The following TUB variants were observed in gnomAD, a reference collection of about 807,000 sequenced individuals.
TUB encodes tubby protein homolog.
TUB carries 33 observed loss-of-function variants against 59.7 expected under a neutral mutation model. The ratio of observed to expected loss-of-function variants is 0.55; its 90% CI spans 0.42 to 0.74. The LOEUF (loss-of-function observed/expected upper bound fraction) is 0.74. TUB is among the 30% of genes least tolerant of loss of function. The pLI, the probability that TUB is intolerant of heterozygous loss-of-function variation, is 0.00. For synonymous variants in TUB, 293 were observed against 256.4 expected (o/e 1.14, Z -1.36); for missense variants, 659 against 672.0 (o/e 0.98, Z 0.21).
chr11:8,025,515 C>G (rs1049515199), intron 1 of TUB, among the ~76,000 whole-genome samples: 1 of 152,162 alleles, frequency 6.6e-6, no homozygotes, highest in African/African-American at 2.4e-5. Flanking sequence ...CCCACTCCAC[C>G]CATCCTCAGG....
intron 1 of TUB, among the ~76,000 whole-genome samples, chr11:8,031,642 C>T (rs1407516429): frequency 6.6e-6 from 1 of 152,210 alleles, no homozygotes; most frequent in Non-Finnish European, 1.5e-5. Context: ...TGCACCTCCT[C>T]GATACCATCT....
At chr11:8,045,485 T>C (rs1942817373) in intron 2 of TUB, among the ~76,000 whole-genome samples, 1 of 152,192 alleles carries the variant, frequency 6.6e-6, no homozygotes, top group Non-Finnish European at 1.5e-5. Flanking sequence ...TAATAGTTAA[T>C]GGTGGGCTTT....
At chr11:8,075,180 T>G (rs989567279) in intron 2 of TUB, among the ~76,000 whole-genome samples, 3 of 152,144 alleles carry the variant, frequency 2.0e-5, no homozygotes, top group Non-Finnish European at 4.4e-5. Context: ...TTTCCCCTAT[T>G]AGCAATAAAG....
chr11:8,088,889 C>T (rs1943716286), intron 1 of TUB, among the ~76,000 whole-genome samples: 1 of 152,234 alleles, frequency 6.6e-6, no homozygotes, highest in South Asian at 2.1e-4. Context: ...TGTGCCATGT[C>T]TGCAGCCCGG....
chr11:8,056,053 A>G (rs1943015051), intron 2 of TUB, among the ~76,000 whole-genome samples: 1 of 152,112 alleles, frequency 6.6e-6, no homozygotes, highest in African/African-American at 2.4e-5. Flanking sequence ...GGAGAGCAGG[A>G]AGGAGCTGGC....
chr11:8,101,062 A>C (rs1944276301), intron 11 of TUB, 65 bp downstream of exon 11: 2 of 1,561,938 alleles, frequency 1.3e-6, no homozygotes, highest in African/African-American at 2.7e-5. Context: ...CGTAGGGTTC[A>C]GCCCACCTAG....
chr11:8,037,887 C>T (rs7936343), upstream of TUB, among the ~76,000 whole-genome samples: 3,892 of 152,190 alleles, frequency 0.026, 175 homozygotes, highest in African/African-American at 0.088. Flanking sequence ...TTGAGAGGAG[C>T]AAGTTAGGTG....
rs1327189594 is a variant in TUB at position 8,081,322 on chromosome 11, C to G, written c.-189C>G. ...GCTTCGCCCATCTCGCCTCGCCGCG[C>G]CGCGCAGGCAGCCGCTCGCAGAGCC... On this transcript the variant is annotated 5_prime_UTR_variant, in exon 1 of 12. Transcript: ENST00000299506. 4.1e-6 allele frequency: 4 copies of G among 970,210 alleles called. No homozygotes were observed. Among genetic ancestry groups the G allele is most frequent in the Non-Finnish European group, 4.9e-6 (4 of 816,530 alleles). 60.1% of individuals were successfully genotyped at this position (970,210 alleles called of 1,614,324 possible).
At chr11:8,091,155 T>G (rs548698191) in intron 3 of TUB, among the ~76,000 whole-genome samples, 21 of 152,276 alleles carry the variant, frequency 1.4e-4, no homozygotes, top group Non-Finnish European at 2.6e-4. Context: ...GGGCTGAGCT[T>G]CTTCATCTAA....
chr11:8,053,692 G>A (rs936425732), intron 2 of TUB, among the ~76,000 whole-genome samples: 2 of 151,230 alleles, frequency 1.3e-5, no homozygotes, highest in Admixed American at 6.6e-5. Context: ...TAATAGAGAC[G>A]GGGTTTCACC....
At chr11:8,064,782 G>A (rs1278017769) in intron 2 of TUB, among the ~76,000 whole-genome samples, 1 of 152,236 alleles carries the variant, frequency 6.6e-6, no homozygotes, top group South Asian at 2.1e-4. Context: ...TCAGAGCAAA[G>A]AGGCCAGATG....
chr11:8,094,513 C>G (rs1355254616), intron 4 of TUB, among the ~76,000 whole-genome samples: 1 of 152,214 alleles, frequency 6.6e-6, no homozygotes, highest in African/African-American at 2.4e-5. Context: ...AGGATCTCAC[C>G]CAGCCTGGAC....
At chr11:8,089,688 G>T in intron 2 of TUB, 27 bp downstream of exon 2, 1 of 1,613,974 alleles carries the variant, frequency 6.2e-7, no homozygotes. Flanking sequence ...CCGGGTAGAA[G>T]GGAAGAGTCT....
chr11:8,079,102 T>C (rs1943499386), upstream of TUB, among the ~76,000 whole-genome samples: 1 of 152,158 alleles, frequency 6.6e-6, no homozygotes. Flanking sequence ...ATAGATTCAA[T>C]TACTCCAGGC....
intron 3 of TUB, among the ~76,000 whole-genome samples, chr11:8,092,444 T>G (rs1366765982): frequency 6.6e-6 from 1 of 152,096 alleles, no homozygotes; most frequent in Non-Finnish European, 1.5e-5. Flanking sequence ...TACCAGTTAG[T>G]TACCTGCTCG....
chr11:8,083,785 G>T (rs1380958231), intron 1 of TUB, among the ~76,000 whole-genome samples: 1 of 152,166 alleles, frequency 6.6e-6, no homozygotes, highest in Admixed American at 6.5e-5. Flanking sequence ...AGGGGGGTGT[G>T]TAGCTGGAGG....
chr11:8,093,925 G>A (rs1395755138), intron 3 of TUB, 121 bp from the exon 4 acceptor site: 8 of 1,140,942 alleles, frequency 7.0e-6, no homozygotes, highest in Admixed American at 5.6e-5. Flanking sequence ...GTGGTACAGG[G>A]GCCCTGGTGG....
intron 2 of TUB, among the ~76,000 whole-genome samples, chr11:8,057,951 T>G (rs1314358143): frequency 6.6e-6 from 1 of 152,126 alleles, no homozygotes; most frequent in Non-Finnish European, 1.5e-5. Flanking sequence ...ATGCCTGGCC[T>G]GCCGCACCAG....
chr11:8,081,620 G>T, intron 1 of TUB, 72 bp downstream of exon 1: 1 of 1,417,736 alleles, frequency 7.1e-7, no homozygotes, highest in Non-Finnish European at 9.2e-7. Flanking sequence ...ATACGCGGCC[G>T]GGGCGCAGGG....
Sources: allele counts gnomAD v4.1 joint callset (sites outside exome capture counted in the v4.1 genomes callset), GRCh38; gene constraint gnomAD v4.1.1; transcripts MANE v1.5; gene names NCBI Gene and HGNC (gene_info 2026-07-23, HGNC 2026-07-21).